Variants in TMC1 observed in about 807,000 individuals in gnomAD.
TMC1 encodes the protein transmembrane channel like 1, also known as transmembrane channel-like protein 1.
In TMC1, 84 loss-of-function variants were observed where a neutral mutation model predicts 105.8. The ratio of observed to expected loss-of-function variants is 0.79; its 90% CI spans 0.67 to 0.95. The LOEUF (loss-of-function observed/expected upper bound fraction) is 0.95, where lower values mean the gene tolerates loss of function less well. Among genes scored for constraint, TMC1 ranks in the 40% least tolerant of loss-of-function variants. TMC1 has a pLI of 0.00. For synonymous variants in TMC1, 315 were observed against 311.5 expected, an observed-to-expected ratio of 1.01 and a Z score of -0.12; for missense variants, 817 against 914.1, an observed-to-expected ratio of 0.89 and a Z score of 1.37.
At chr9:72,523,162 C>T (rs1181083004) in intron 1 of TMC1, among the ~76,000 whole-genome samples, 1 of 151,950 alleles carries the variant, frequency 6.6e-6, no homozygotes, top group Non-Finnish European at 1.5e-5. Flanking sequence ...CTCACAAAGA[C>T]TCGGGGGGAT....
At chr9:72,764,225 C>T (rs959922251) in intron 12 of TMC1, among the ~76,000 whole-genome samples, 5 of 152,104 alleles carry the variant, frequency 3.3e-5, no homozygotes, top group Non-Finnish European at 7.4e-5. Context: ...TTTTTAAATA[C>T]ATAATACCAA....
chr9:72,744,986 A>G lies in TMC1; in HGVS notation c.535+2461A>G, dbSNP rs115665407. ...ATCTCCTCTCTTCTTCTCTTCTTCTAGTAAATTTGGAAAGCCACGCTGGAA... is the reference window on the plus strand; with the variant it reads ...ATCTCCTCTCTTCTTCTCTTCTTCTGGTAAATTTGGAAAGCCACGCTGGAA... On this transcript the variant is annotated intron_variant, in intron 10 of 23. Coordinates refer to ENST00000297784, the MANE Select transcript of TMC1 (RefSeq NM_138691.3). Among the ~76,000 whole-genome samples, 367 of 152,330 alleles carry G rather than the reference A, an allele frequency of 2.4e-3. 2 individuals carry two copies. The highest frequency in any genetic ancestry group is 8.2e-3 in the African/African-American group (340 of 41,582).
intron 1 of TMC1, among the ~76,000 whole-genome samples, chr9:72,538,585 C>T (rs903459584): frequency 2.0e-5 from 3 of 151,966 alleles, no homozygotes; most frequent in African/African-American, 7.3e-5. Flanking sequence ...TACAGGTGTC[C>T]ACCACCATGC....
intron 1 of TMC1, among the ~76,000 whole-genome samples, chr9:72,571,376 T>TTC (rs34947737): frequency 0.43 from 64,562 of 149,130 alleles, 14,273 homozygotes; most frequent in African/African-American, 0.54. Context: ...ACTTCTCTCT[T>TTC]TCTCTCTCTC....
rs528177145 is a variant in TMC1, at chr9:72,590,545, C to T, written c.-306+12522C>T. 1.5e-3 allele frequency among the ~76,000 whole-genome samples: 230 copies of T among 152,300 alleles called. 1 individual carries two copies. The highest frequency in any genetic ancestry group is 2.3e-3 in the Non-Finnish European group (158 of 68,024). On this transcript the variant is annotated intron_variant, in intron 2 of 23. Coordinates refer to ENST00000297784, the MANE Select transcript of TMC1 (RefSeq NM_138691.3). ...ACAAATACTTAAAATTCTTTCGACT[C>T]GGTTTCCTCTTCTGTAAAATGGGAA...
intron 10 of TMC1, among the ~76,000 whole-genome samples, chr9:72,749,703 G>A (rs1827547685): frequency 6.6e-6 from 1 of 151,978 alleles, no homozygotes; most frequent in Non-Finnish European, 1.5e-5. Context: ...GAAAAATATT[G>A]ACTTCAAAAT....
intron 13 of TMC1, among the ~76,000 whole-genome samples, chr9:72,777,650 C>G (rs1222289251): frequency 6.6e-6 from 1 of 152,194 alleles, no homozygotes; most frequent in Non-Finnish European, 1.5e-5. Flanking sequence ...TATTACTACT[C>G]TATGAATTGC....
At chr9:72,577,195 A>T (rs1228464616) in intron 1 of TMC1, among the ~76,000 whole-genome samples, 1 of 152,194 alleles carries the variant, frequency 6.6e-6, no homozygotes, top group African/African-American at 2.4e-5. Flanking sequence ...TCTTCCTGTT[A>T]GAACTTCTGG....
At chr9:72,602,536 G>C (rs113704012) in intron 2 of TMC1, among the ~76,000 whole-genome samples, 5 of 151,930 alleles carry the variant, frequency 3.3e-5, no homozygotes, top group African/African-American at 1.2e-4. Flanking sequence ...TACCATGCTT[G>C]GCTAATTTTT....
At chr9:72,722,908 A>G (rs1827052558) in intron 8 of TMC1, among the ~76,000 whole-genome samples, 3 of 152,196 alleles carry the variant, frequency 2.0e-5, no homozygotes, top group Admixed American at 1.3e-4. Flanking sequence ...AAATTTCATA[A>G]TCAGTGGTTT....
At position 72,832,125 on chromosome 9, in the gene TMC1, A is replaced by AT. The variant is rs556491838; in HGVS notation, c.2260+1453dup. Among the ~76,000 whole-genome samples, 25 of 148,818 alleles carry AT rather than the reference A, an allele frequency of 1.7e-4. No homozygotes were observed. In the Middle Eastern group the frequency reaches 0.01, roughly 62 times the overall value. ...CACCACCATGCCTGGATAATTTTTA[A>AT]TTTTTTTTTTGAAGTGAGGTCTTGC... On this transcript the variant is annotated intron_variant, in intron 23 of 23. Coordinates refer to ENST00000297784, the MANE Select transcript of TMC1 (RefSeq NM_138691.3).
At chr9:72,623,147 G>GTTTTT (rs1162181237) in intron 3 of TMC1, among the ~76,000 whole-genome samples, 3 of 113,672 alleles carry the variant, frequency 2.6e-5, no homozygotes, top group African/African-American at 3.4e-5. Flanking sequence ...CTCTCTCCCT[G>GTTTTT]TTTTTTTTTT....
At chr9:72,625,229 A>T (rs575354636) in intron 3 of TMC1, among the ~76,000 whole-genome samples, 5 of 152,262 alleles carry the variant, frequency 3.3e-5, no homozygotes, top group Admixed American at 2.0e-4. Flanking sequence ...CTTCCACCAA[A>T]GCCCCCCAGG....
At chr9:72,657,859 CCATAT>C (rs1003455488) in intron 5 of TMC1, among the ~76,000 whole-genome samples, 1 of 152,162 alleles carries the variant, frequency 6.6e-6, no homozygotes, top group Non-Finnish European at 1.5e-5. Flanking sequence ...AGCTCCTCCA[CCATAT>C]CAGTCATGAC....
chr9:72,625,963 G>A (rs1825340210), intron 3 of TMC1, among the ~76,000 whole-genome samples: 1 of 152,278 alleles, frequency 6.6e-6, no homozygotes, highest in Admixed American at 6.5e-5. Flanking sequence ...TTCTGGATAT[G>A]AGAGGCTGAT....
chr9:72,595,678 T>C (rs2132108573), intron 2 of TMC1, among the ~76,000 whole-genome samples: 1 of 147,622 alleles, frequency 6.8e-6, no homozygotes, highest in East Asian at 2.0e-4. Context: ...CTCAACTTTT[T>C]TTTTTTTTTT....
At chr9:72,789,464 T>A in intron 15 of TMC1, 147 bp downstream of exon 15, 1 of 703,742 alleles carries the variant, frequency 1.4e-6, no homozygotes, top group Admixed American at 2.5e-5. Flanking sequence ...TTGCTCATTT[T>A]CCATTCTATT....
chr9:72,533,725 T>G (rs1363807531), intron 1 of TMC1, among the ~76,000 whole-genome samples: 3 of 152,214 alleles, frequency 2.0e-5, no homozygotes, highest in Admixed American at 6.5e-5. Flanking sequence ...ACCAAAGACT[T>G]AAACACTTCT....
intron 2 of TMC1, among the ~76,000 whole-genome samples, chr9:72,593,318 C>T (rs376194009): frequency 1.3e-5 from 2 of 151,704 alleles, no homozygotes; most frequent in Non-Finnish European, 2.9e-5. Context: ...GTGGAAGGAT[C>T]GCTTGAAGCC....
Sources: allele counts gnomAD v4.1 joint callset (sites outside exome capture counted in the v4.1 genomes callset), GRCh38; gene constraint gnomAD v4.1.1; transcripts MANE v1.5; gene names NCBI Gene and HGNC (gene_info 2026-07-23, HGNC 2026-07-21).